ADAMTSL1: variants seen among roughly 807,000 people sequenced by gnomAD.
ADAMTSL1 encodes ADAMTS like 1, also known as ADAMTS-like protein 1.
A neutral mutation model predicts 201.8 loss-of-function variants in ADAMTSL1; 126 were observed. That is an observed-to-expected ratio of 0.62 (90% CI 0.54 to 0.72). The LOEUF is 0.72. ADAMTSL1 is among the 30% of genes least tolerant of loss of function. The pLI, the probability that ADAMTSL1 is intolerant of heterozygous loss-of-function variation, is 0.00. For synonymous variants in ADAMTSL1, 1,121 were observed against 903.4 expected, an observed-to-expected ratio of 1.24 and a Z score of -4.32; for missense variants, 2,679 against 2,277.8, an observed-to-expected ratio of 1.18 and a Z score of -3.59.
chr9:18,372,627 A>T (rs765962614), intron 2 of ADAMTSL1, among the ~76,000 whole-genome samples: 14 of 152,222 alleles, frequency 9.2e-5, no homozygotes, highest in Non-Finnish European at 1.9e-4. Flanking sequence ...TCCTAAATTT[A>T]ATGTGTGTTC....
chr9:18,535,457 C>A (rs1388065378), intron 3 of ADAMTSL1, among the ~76,000 whole-genome samples: 1 of 152,140 alleles, frequency 6.6e-6, no homozygotes, highest in East Asian at 1.9e-4. Flanking sequence ...AAGTTCCAAC[C>A]TTTCCCACAT....
intron 1 of ADAMTSL1, among the ~76,000 whole-genome samples, chr9:18,118,186 C>G (rs1478283766): frequency 6.6e-6 from 1 of 152,152 alleles, no homozygotes; most frequent in Non-Finnish European, 1.5e-5. Flanking sequence ...TTAAAAAGAG[C>G]CGTAGCTTCT....
At chr9:18,868,390 T>C (rs1006501939) in intron 23 of ADAMTSL1, among the ~76,000 whole-genome samples, 5 of 152,256 alleles carry the variant, frequency 3.3e-5, no homozygotes, top group African/African-American at 7.2e-5. Flanking sequence ...TCAGTGCAGA[T>C]TTTACATCAA....
intron 1 of ADAMTSL1, among the ~76,000 whole-genome samples, chr9:18,115,069 A>T (rs1825192882): frequency 6.6e-6 from 1 of 152,130 alleles, no homozygotes; most frequent in African/African-American, 2.4e-5. Flanking sequence ...CCAGGTTTTA[A>T]AAAAAATGAA....
At chr9:18,184,927 T>C (rs536879351) in intron 2 of ADAMTSL1, among the ~76,000 whole-genome samples, 1 of 152,312 alleles carries the variant, frequency 6.6e-6, no homozygotes, top group Admixed American at 6.5e-5. Flanking sequence ...GTTTTGGGTC[T>C]ATTGTTCTAA....
intron 2 of ADAMTSL1, among the ~76,000 whole-genome samples, chr9:18,278,983 ATT>A (rs1365786437): frequency 6.6e-6 from 1 of 151,850 alleles, no homozygotes; most frequent in African/African-American, 2.4e-5. Context: ...CAGTTGAGGC[ATT>A]GTGTTATGTA....
chr9:18,868,878 C>A (rs569762901), intron 23 of ADAMTSL1, among the ~76,000 whole-genome samples: 2 of 152,292 alleles, frequency 1.3e-5, no homozygotes, highest in South Asian at 4.1e-4. Flanking sequence ...GGATATCCCT[C>A]TGTTATGTGT....
At chr9:18,205,084 G>T (rs1651506223) in intron 2 of ADAMTSL1, among the ~76,000 whole-genome samples, 1 of 152,098 alleles carries the variant, frequency 6.6e-6, no homozygotes, top group Non-Finnish European at 1.5e-5. Flanking sequence ...TTCTGGACAT[G>T]CCTTGTGTCT....
At chr9:18,891,346 GATAA>G (rs1214040229) in intron 25 of ADAMTSL1, among the ~76,000 whole-genome samples, 1 of 151,810 alleles carries the variant, frequency 6.6e-6, no homozygotes, top group African/African-American at 2.4e-5. Context: ...CGTTTTGTTA[GATAA>G]ATTTTCTCCA....
In ADAMTSL1 at chr9:18,795,528, AC is replaced by A. The variant is rs1822369396; in HGVS notation, c.3805+7del. On this transcript the variant is annotated splice_donor_5th_base_variant and intron_variant, in intron 20 of 28. Coordinates refer to ENST00000380548, the MANE Select transcript of ADAMTSL1 (RefSeq NM_001040272.6). ...TCCATTGCCGTCACATTAGCAGGTA[AC>A]CCAAAAATCCCTGTTCTGTTCATTT... The A allele has an allele frequency of 6.2e-7, 1 of 1,607,106 alleles. No individual in the cohort carries two copies. Among genetic ancestry groups the A allele is most frequent in the South Asian group, 1.1e-5 (1 of 89,968 alleles).
chr9:18,247,543 A>G (rs1358352027), intron 2 of ADAMTSL1, among the ~76,000 whole-genome samples: 12 of 152,230 alleles, frequency 7.9e-5, no homozygotes, highest in Non-Finnish European at 1.6e-4. Flanking sequence ...GCTAAAATGA[A>G]AATTGAATGA....
At chr9:18,210,270 TAATA>T (rs937316133) in intron 2 of ADAMTSL1, among the ~76,000 whole-genome samples, 3 of 151,170 alleles carry the variant, frequency 2.0e-5, no homozygotes, top group African/African-American at 7.3e-5. Context: ...AGTTTTTAAT[TAATA>T]CTTTAATTAA....
At chr9:17,965,228 A>T (rs1379033133) in intron 1 of ADAMTSL1, among the ~76,000 whole-genome samples, 1 of 152,094 alleles carries the variant, frequency 6.6e-6, no homozygotes, top group Non-Finnish European at 1.5e-5. Flanking sequence ...TTTTTTTCCT[A>T]TGAACATTTA....
At chr9:18,174,498 A>G (rs1297032487) in intron 2 of ADAMTSL1, among the ~76,000 whole-genome samples, 1 of 152,174 alleles carries the variant, frequency 6.6e-6, no homozygotes, top group East Asian at 1.9e-4. Context: ...TGATACCTAA[A>G]TTTAAGAAAG....
intron 3 of ADAMTSL1, among the ~76,000 whole-genome samples, chr9:18,540,344 G>A (rs560330550): frequency 6.6e-5 from 10 of 152,320 alleles, no homozygotes; most frequent in South Asian, 2.1e-4. Context: ...CCAAAAGGCC[G>A]AGAAGCGATA....
intron 20 of ADAMTSL1, among the ~76,000 whole-genome samples, chr9:18,806,647 T>C (rs1192187326): frequency 6.6e-6 from 1 of 152,166 alleles, no homozygotes; most frequent in Non-Finnish European, 1.5e-5. Context: ...TATGTTCAGA[T>C]TTTTTCCCAC....
chr9:18,908,074 C>G, intron 28 of ADAMTSL1: 1 of 271,610 alleles, frequency 3.7e-6, no homozygotes, highest in Non-Finnish European at 7.1e-6. Context: ...CCAAAACCCA[C>G]GGGAAAAGGC....
At chr9:17,979,318 T>C (rs1192773360) in intron 1 of ADAMTSL1, among the ~76,000 whole-genome samples, 1 of 152,086 alleles carries the variant, frequency 6.6e-6, no homozygotes, top group Non-Finnish European at 1.5e-5. Context: ...TTTGTTCTTT[T>C]GATGGTACCT....
intron 23 of ADAMTSL1, among the ~76,000 whole-genome samples, chr9:18,835,334 A>C (rs1825247587): frequency 6.6e-6 from 1 of 151,958 alleles, no homozygotes; most frequent in East Asian, 1.9e-4. Context: ...CTTATATCAA[A>C]TTTTCAGTGT....
Sources: allele counts gnomAD v4.1 joint callset (sites outside exome capture counted in the v4.1 genomes callset), GRCh38; gene constraint gnomAD v4.1.1; transcripts MANE v1.5; gene names NCBI Gene and HGNC (gene_info 2026-07-23, HGNC 2026-07-21).